The following ADRA2A variants were observed in gnomAD, a reference collection of about 807,000 sequenced individuals.
The protein encoded by ADRA2A is adrenoceptor alpha 2A.
ADRA2A carries 6 observed loss-of-function variants against 5.9 expected under a neutral mutation model. That is an observed-to-expected ratio of 1.01 (90% CI 0.55 to 2.00). The LOEUF (loss-of-function observed/expected upper bound fraction) is 2.00. Among genes scored for constraint, ADRA2A ranks in the 30% most tolerant of loss-of-function variants. The pLI, the probability that ADRA2A is intolerant of heterozygous loss-of-function variation, is 0.00. For synonymous variants in ADRA2A, 345 were observed against 325.9 expected (o/e 1.06, Z -0.63); for missense variants, 647 against 690.0 (o/e 0.94, Z 0.70).
In ADRA2A at chr10:111,078,664, C is replaced by A; in HGVS notation, c.668C>A (p.Pro223His). ...ISSCIGSFFA[P>H]CLIMILVYVR... is the part of the protein sequence containing the mutation. ...TCGTGCATCGGCTCCTTCTTCGCTC[C>A]CTGCCTCATCATGATCCTGGTCTAC... Residue 223 changes from proline to histidine, a missense_variant, in exon 1 of 1, where the codon CCC (proline) becomes CAC (histidine). By Grantham distance (77) the Pro-to-His change is moderately conservative. Coordinates refer to ENST00000280155, the MANE Select transcript of ADRA2A (RefSeq NM_000681.4). The A allele has an allele frequency of 6.3e-7, 1 of 1,583,302 alleles. No homozygotes were observed. The highest frequency in any genetic ancestry group is 8.6e-7 in the Non-Finnish European group (1 of 1,163,856).
At position 111,079,857 on chromosome 10, in the gene ADRA2A, C is replaced by G. The variant is rs1843576960; in HGVS notation, c.*463C>G. 1 of 180,282 alleles carries G rather than the reference C, an allele frequency of 5.5e-6. No individual in the cohort carries two copies. The highest frequency in any genetic ancestry group is 1.3e-5 in the Non-Finnish European group (1 of 76,578). The allele number at this position is 180,282 out of a possible 1,614,324, so 11.2% of individuals were successfully genotyped here. A position where few individuals can be genotyped will look rare whatever the true frequency, so the allele number is the denominator to read the frequency against. On this transcript the variant is annotated 3_prime_UTR_variant, in exon 1 of 1. Coordinates refer to ENST00000280155, the MANE Select transcript of ADRA2A (RefSeq NM_000681.4). ...CTAAGGGCAGCCCTGCCTGCCCTCC[C>G]CATCCCCCGCTGTAAATATACACTA... is the stretch of plus-strand genomic sequence containing the variant.
In ADRA2A at chr10:111,077,723, C is replaced by A. The variant is rs1843546277; in HGVS notation, c.-274C>A. 1 of 248,052 alleles carries A rather than the reference C, an allele frequency of 4.0e-6. No individual in the cohort carries two copies. Among genetic ancestry groups the A allele is most frequent in the Admixed American group, 5.7e-5 (1 of 17,660 alleles). 15.4% of individuals were successfully genotyped at this position (248,052 alleles called of 1,614,324 possible). On this transcript the variant is annotated 5_prime_UTR_variant, in exon 1 of 1. Coordinates refer to ENST00000280155, the MANE Select transcript of ADRA2A (RefSeq NM_000681.4). ...TCTTTACCCATCGGCTCTCCCTACT[C>A]TCTCCCGCCGCTTAGAAATAAAACT...
At position 111,079,244 on chromosome 10, in the gene ADRA2A, C is replaced by G; in HGVS notation, c.1248C>G (p.Cys416Trp). 1 of 1,614,176 alleles carries G rather than the reference C, an allele frequency of 6.2e-7. No individual in the cohort carries two copies. The highest frequency in any genetic ancestry group is 8.5e-7 in the Non-Finnish European group (1 of 1,180,034). ...CCTACACGCTCACGGCCGTCGGGTG[C>G]TCCGTGCCACGCACGCTCTTCAAAT... is the stretch of plus-strand genomic sequence containing the variant. ...FFTYTLTAVG[C>W]SVPRTLFKFF... is the part of the protein sequence containing the mutation. Residue 416 changes from cysteine (C) to tryptophan (W), a missense_variant, in exon 1 of 1, where the codon TGC (cysteine) becomes TGG (tryptophan). Physicochemically the swap from Cys to Trp is radical, Grantham distance 215. This residue lies in a region of ADRA2A where 8 missense variants were observed against 24.9 expected (regional missense o/e 0.32). Coordinates refer to ENST00000280155, the MANE Select transcript of ADRA2A (RefSeq NM_000681.4).
chr10:111,078,741 CG>C lies in ADRA2A; in HGVS notation c.749del (p.Gly250ValfsTer92). ...KRRTRVPPSR[R>X]GPDAVAAPPG... is the part of the protein sequence containing the mutation. ...TCGCACCCGCGTGCCACCCAGCCGC[CG>C]GGGTCCGGACGCCGTCGCCGCGCCG... On this transcript the variant is annotated frameshift_variant, in exon 1 of 1. Transcript: ENST00000280155. LOFTEE classifies it low-confidence loss of function (END_TRUNC). 6.8e-7 allele frequency: 1 copy of C among 1,460,384 alleles called. No homozygotes were observed. Among genetic ancestry groups the C allele is most frequent in the Non-Finnish European group, 9.0e-7 (1 of 1,111,016 alleles). The allele number at this position is 1,460,384 out of a possible 1,614,324, so 90.5% of individuals were successfully genotyped here.
chr10:111,079,438 G>A lies in ADRA2A; in HGVS notation c.*44G>A, dbSNP rs375358019. The A allele has an allele frequency of 5.2e-5, 83 of 1,599,542 alleles. No individual in the cohort carries two copies. The African/African-American group carries it at 9.2e-4, about 18-fold the overall frequency. On this transcript the variant is annotated 3_prime_UTR_variant, in exon 1 of 1. Transcript: ENST00000280155. The stretch of plus-strand genomic sequence containing the variant: ...CGTAGACTCACGCTGACTGCAGGCA[G>A]CGGGGGGCATCGAGGGGTGCTTAGC...
rs532576462 is a variant in ADRA2A at position 111,080,596 on chromosome 10, C to T, written c.*1202C>T. On this transcript the variant is annotated 3_prime_UTR_variant, in exon 1 of 1. Transcript: ENST00000280155. ...CCCTCCGTGCTTTTCTGGTTGAGAT[C>T]ATGTCATTGATGAACTGCCAAAGTC... 8 of 167,150 alleles carry T rather than the reference C, an allele frequency of 4.8e-5. No homozygotes were observed. The highest frequency in any genetic ancestry group is 1.9e-4 in the African/African-American group (8 of 41,554). The allele number at this position is 167,150 out of a possible 1,614,324, so 10.4% of individuals were successfully genotyped here. A position where few individuals can be genotyped will look rare whatever the true frequency, so the allele number is the denominator to read the frequency against.
rs781303745 is a variant in ADRA2A at position 111,078,011 on chromosome 10, G to A, written c.15G>A (p.Glu5=). 7.0e-7 allele frequency: 1 copy of A among 1,425,166 alleles called. No individual in the cohort carries two copies. The highest frequency in any genetic ancestry group is 1.5e-5 in the South Asian group (1 of 66,256). 88.3% of individuals were successfully genotyped at this position (1,425,166 alleles called of 1,614,324 possible). A position where few individuals can be genotyped will look rare whatever the true frequency, so the allele number is the denominator to read the frequency against. MFRQ[E]QPLAEGSFAP... is the part of the protein sequence containing the mutation. ...CGCCCGCGTTCATGTTCCGCCAGGA[G>A]CAGCCGTTGGCCGAGGGCAGCTTTG... The change falls in exon 1 of 1, where the codon GAG becomes GAA. Residue 5 remains glutamate, a synonymous_variant. Transcript: ENST00000280155.
chr10:111,078,824 G>T lies in ADRA2A; in HGVS notation c.828G>T (p.Pro276=), dbSNP rs112643166. The T allele has an allele frequency of 8.1e-7, 1 of 1,227,086 alleles. No homozygotes were observed. The highest frequency in any genetic ancestry group is 1.0e-6 in the Non-Finnish European group (1 of 983,022). The allele number at this position is 1,227,086 out of a possible 1,614,324, so 76.0% of individuals were successfully genotyped here. A position where few individuals can be genotyped will look rare whatever the true frequency, so the allele number is the denominator to read the frequency against. Residue 276 remains proline, a synonymous_variant, in exon 1 of 1, where the codon CCG becomes CCT. Transcript: ENST00000280155. ...TGGGCCCCGAGCGCAGCGCGGGCCC[G>T]GGGGGCGCAGAGGCCGAACCGCTGC... ...NGLGPERSAG[P]GGAEAEPLPT...
In ADRA2A at chr10:111,079,298, C is replaced by G; in HGVS notation, c.1302C>G (p.Ser434Arg). 6.2e-7 allele frequency: 1 copy of G among 1,613,990 alleles called. No individual in the cohort carries two copies. The highest frequency in any genetic ancestry group is 8.5e-7 in the Non-Finnish European group (1 of 1,179,984). The change falls in exon 1 of 1, where the codon AGC (serine) becomes AGG (arginine). Residue 434 changes from serine (S) to arginine (R), a missense_variant. By Grantham distance (110) the Ser-to-Arg change is moderately radical (BLOSUM62 -1). Around this residue, in one of 3 missense-constraint regions of ADRA2A, gnomAD observed 62 missense variants for 59.8 expected, o/e 1.04. Coordinates refer to ENST00000280155, the MANE Select transcript of ADRA2A (RefSeq NM_000681.4). Reference sequence around the variant, plus strand: ...TCTTCTGGTTCGGCTACTGCAACAGCTCGTTGAACCCGGTCATCTACACCA... The same window carrying G: ...TCTTCTGGTTCGGCTACTGCAACAGGTCGTTGAACCCGGTCATCTACACCA... Reference protein sequence around the residue: ...KFFFWFGYCNSSLNPVIYTIF... With the variant: ...KFFFWFGYCNRSLNPVIYTIF...
chr10:111,079,423 C>CT lies in ADRA2A; in HGVS notation c.*29_*30insT. 2 of 1,609,298 alleles carry CT rather than the reference C, an allele frequency of 1.2e-6. No individual in the cohort carries two copies. Among genetic ancestry groups the CT allele is most frequent in the South Asian group, 2.2e-5 (2 of 90,856 alleles). On this transcript the variant is annotated 3_prime_UTR_variant, in exon 1 of 1. Coordinates refer to ENST00000280155, the MANE Select transcript of ADRA2A (RefSeq NM_000681.4). ...TTCCGCTGGCGCCCGCGTAGACTCA[C>CT]GCTGACTGCAGGCAGCGGGGGGCAT...
Position 111,077,866 on chromosome 10 carries a change from G to A in ADRA2A, c.-131G>A, listed in dbSNP as rs1843548718. The stretch of plus-strand genomic sequence containing the variant: ...GCTAGCGGTCCTCCAGTTCGGGCCC[G>A]GCCTCCCTGCGGCCCCCTCCCTATG... On this transcript the variant is annotated 5_prime_UTR_variant, in exon 1 of 1. Transcript: ENST00000280155. 4.7e-6 allele frequency: 6 copies of A among 1,267,780 alleles called. No homozygotes were observed. Among genetic ancestry groups the A allele is most frequent in the East Asian group, 3.2e-5 (1 of 31,424 alleles). The allele number at this position is 1,267,780 out of a possible 1,614,324, so 78.5% of individuals were successfully genotyped here.
rs761368313 is a variant in ADRA2A at position 111,078,302 on chromosome 10, C to G, written c.306C>G (p.Ile102Met). 1.2e-6 allele frequency: 2 copies of G among 1,613,984 alleles called. No homozygotes were observed. Among genetic ancestry groups the G allele is most frequent in the South Asian group, 2.2e-5 (2 of 91,078 alleles). ...SADILVATLVIPFSLANEVMG... is the reference protein window; with the variant it reads ...SADILVATLVMPFSLANEVMG... ...ACATCCTGGTGGCCACGCTCGTCAT[C>G]CCTTTCTCGCTGGCCAACGAGGTCA... The change falls in exon 1 of 1, where the codon ATC (isoleucine) becomes ATG (methionine). Residue 102 changes from isoleucine (I) to methionine (M), a missense_variant. By Grantham distance (10) the Ile-to-Met change is conservative. This residue lies in a region of ADRA2A where 577 missense variants were observed against 605.4 expected (regional missense o/e 0.95). Coordinates refer to ENST00000280155, the MANE Select transcript of ADRA2A (RefSeq NM_000681.4).
rs1843573304 is a variant in ADRA2A at position 111,079,441 on chromosome 10, G to C, written c.*47G>C. The C allele has an allele frequency of 1.9e-6, 3 of 1,587,766 alleles. No homozygotes were observed. The highest frequency in any genetic ancestry group is 2.2e-5 in the South Asian group (2 of 89,764). On this transcript the variant is annotated 3_prime_UTR_variant, in exon 1 of 1. Coordinates refer to ENST00000280155, the MANE Select transcript of ADRA2A (RefSeq NM_000681.4). ...AGACTCACGCTGACTGCAGGCAGCG[G>C]GGGGCATCGAGGGGTGCTTAGCCCC...
In ADRA2A at chr10:111,079,021, A is replaced by C; in HGVS notation, c.1025A>C (p.Lys342Thr). ...GGCAAGGCCCGAGCGAGCCAGGTGA[A>C]GCCGGGCGACAGCCTGCCGCGGCGC... ...GKGKARASQV[K>T]PGDSLPRRGP... is the part of the protein sequence containing the mutation. Residue 342 changes from lysine (K) to threonine (T), a missense_variant, in exon 1 of 1, where the codon AAG (lysine) becomes ACG (threonine). Lys to Thr is a moderately conservative substitution (Grantham distance 78, BLOSUM62 -1). Transcript: ENST00000280155. 1 of 1,258,542 alleles carries C rather than the reference A, an allele frequency of 7.9e-7. No individual in the cohort carries two copies. Among genetic ancestry groups the C allele is most frequent in the Non-Finnish European group, 9.9e-7 (1 of 1,006,480 alleles). The allele number at this position is 1,258,542 out of a possible 1,614,324, so 78.0% of individuals were successfully genotyped here.
rs1228666343 is a variant in ADRA2A, at chr10:111,079,526, C to T, written c.*132C>T. On this transcript the variant is annotated 3_prime_UTR_variant, in exon 1 of 1. Coordinates refer to ENST00000280155, the MANE Select transcript of ADRA2A (RefSeq NM_000681.4). ...CGTTTCCTCGTCTGGGGTGGCTCTG[C>T]AGCCTCCTGCGGGCGGGCGTCTGCT... The T allele has an allele frequency of 1.0e-6, 1 of 987,384 alleles. No individual in the cohort carries two copies. The highest frequency in any genetic ancestry group is 1.5e-6 in the Non-Finnish European group (1 of 663,074). The allele number at this position is 987,384 out of a possible 1,614,324, so 61.2% of individuals were successfully genotyped here.
In ADRA2A at chr10:111,078,486, C is replaced by G; in HGVS notation, c.490C>G (p.Arg164Gly). ...GTACAACCTGAAGCGCACGCCGCGCCGCATCAAGGCCATCATCATCACCGT... is the reference window on the plus strand; with the variant it reads ...GTACAACCTGAAGCGCACGCCGCGCGGCATCAAGGCCATCATCATCACCGT... The part of the protein sequence containing the change: ...IEYNLKRTPR[R>G]IKAIIITVWV... Residue 164 changes from arginine (R) to glycine (G), a missense_variant, in exon 1 of 1, where the codon CGC (arginine) becomes GGC (glycine). Transcript: ENST00000280155. 6.2e-7 allele frequency: 1 copy of G among 1,613,356 alleles called. No homozygotes were observed. The highest frequency in any genetic ancestry group is 8.5e-7 in the Non-Finnish European group (1 of 1,179,930).
rs367957599 is a variant in ADRA2A, at chr10:111,078,285, G to A, written c.289G>A (p.Val97Met). Residue 97 changes from valine to methionine, a missense_variant, in exon 1 of 1, where the codon GTG becomes ATG. Physicochemically the swap from Val to Met is conservative, Grantham distance 21. Around this residue, in one of 3 missense-constraint regions of ADRA2A, gnomAD observed 577 missense variants for 605.4 expected, o/e 0.95. Transcript: ENST00000280155. ...GTCTCTGGCCTCGGCCGACATCCTGGTGGCCACGCTCGTCATCCCTTTCTC... is the reference window on the plus strand; with the variant it reads ...GTCTCTGGCCTCGGCCGACATCCTGATGGCCACGCTCGTCATCCCTTTCTC... ...LVSLASADIL[V>M]ATLVIPFSLA... The A allele has an allele frequency of 6.0e-5, 97 of 1,613,732 alleles. No homozygotes were observed. Among genetic ancestry groups the A allele is most frequent in the Non-Finnish European group, 8.0e-5 (94 of 1,180,014 alleles).
Position 111,079,074 on chromosome 10 carries a change from C to T in ADRA2A, c.1078C>T (p.Pro360Ser). The change falls in exon 1 of 1, where the codon CCG becomes TCG. Residue 360 changes from proline to serine, a missense_variant. Pro to Ser is a moderately conservative substitution (Grantham distance 74). Around this residue, in one of 3 missense-constraint regions of ADRA2A, gnomAD observed 577 missense variants for 605.4 expected, o/e 0.95. Transcript: ENST00000280155. ...GCCGGGGGCGACGGGGATCGGGACGCCGGCTGCAGGGCCGGGGGAGGAGCG... is the reference window on the plus strand; with the variant it reads ...GCCGGGGGCGACGGGGATCGGGACGTCGGCTGCAGGGCCGGGGGAGGAGCG... ...RGPGATGIGT[P>S]AAGPGEERVG... 1 of 1,383,140 alleles carries T rather than the reference C, an allele frequency of 7.2e-7. No homozygotes were observed. The highest frequency in any genetic ancestry group is 9.3e-7 in the Non-Finnish European group (1 of 1,073,622). 85.7% of individuals were successfully genotyped at this position (1,383,140 alleles called of 1,614,324 possible).
chr10:111,079,297 G>C lies in ADRA2A; in HGVS notation c.1301G>C (p.Ser434Thr). ...TTCTTCTGGTTCGGCTACTGCAACA[G>C]CTCGTTGAACCCGGTCATCTACACC... ...KFFFWFGYCN[S>T]SLNPVIYTIF... Residue 434 changes from serine (S) to threonine (T), a missense_variant, in exon 1 of 1, where the codon AGC becomes ACC. Physicochemically the swap from Ser to Thr is moderately conservative, Grantham distance 58. Around this residue, in one of 3 missense-constraint regions of ADRA2A, gnomAD observed 62 missense variants for 59.8 expected, o/e 1.04. Transcript: ENST00000280155. 6.2e-7 allele frequency: 1 copy of C among 1,614,006 alleles called. No individual in the cohort carries two copies. The highest frequency in any genetic ancestry group is 8.5e-7 in the Non-Finnish European group (1 of 1,180,002).
Sources: allele counts gnomAD v4.1 joint callset, GRCh38; gene constraint gnomAD v4.1.1; regional missense constraint gnomAD v4.1.1; transcripts MANE v1.5; gene names NCBI Gene and HGNC (gene_info 2026-07-23, HGNC 2026-07-21).